Variants in MALRD1 observed in about 807,000 individuals in gnomAD.
MALRD1 encodes the protein MAM and LDL receptor class A domain containing 1, also known as MAM and LDL-receptor class A domain-containing protein 1.
MALRD1 carries 247 observed loss-of-function variants against 242.1 expected under a neutral mutation model. The observed-to-expected ratio is 1.02, with a 90% CI of 0.92 to 1.13. The LOEUF is 1.13. MALRD1 is among the 50% of genes most tolerant of loss of function. MALRD1 has a pLI of 0.00. For missense variants in MALRD1, 2,989 were observed against 2,533.1 expected (o/e 1.18, Z -3.86); for synonymous variants, 995 against 866.6 (o/e 1.15, Z -2.60).
At chr10:19,666,853 A>T (rs1217519409) in intron 36 of MALRD1, among the ~76,000 whole-genome samples, 1 of 152,228 alleles carries the variant, frequency 6.6e-6, no homozygotes, top group Non-Finnish European at 1.5e-5. Context: ...GAATGAACAA[A>T]AAAAGTTAAT....
chr10:19,345,788 C>G (rs1402254848), intron 24 of MALRD1, among the ~76,000 whole-genome samples: 1 of 151,186 alleles, frequency 6.6e-6, no homozygotes, highest in Admixed American at 6.6e-5. Context: ...CTTTCAACAG[C>G]TAAAAATGAT....
At chr10:19,068,810 G>C (rs887474427) in intron 2 of MALRD1, among the ~76,000 whole-genome samples, 1 of 152,068 alleles carries the variant, frequency 6.6e-6, no homozygotes, top group African/African-American at 2.4e-5. Flanking sequence ...TGATTTGCCA[G>C]TGCTCCAAAA....
intron 4 of MALRD1, among the ~76,000 whole-genome samples, chr10:19,098,624 A>G (rs1836131760): frequency 6.6e-6 from 1 of 152,154 alleles, no homozygotes; most frequent in Non-Finnish European, 1.5e-5. Context: ...TAATTAAGAA[A>G]ACTCTTACAT....
intron 32 of MALRD1, among the ~76,000 whole-genome samples, chr10:19,559,494 A>G (rs1835869260): frequency 6.6e-6 from 1 of 152,138 alleles, no homozygotes; most frequent in Admixed American, 6.5e-5. Context: ...TTTAATTGAA[A>G]TAGAATATTT....
intron 28 of MALRD1, among the ~76,000 whole-genome samples, chr10:19,420,801 C>G (rs557440579): frequency 3.3e-5 from 5 of 152,272 alleles, no homozygotes; most frequent in African/African-American, 9.6e-5. Context: ...ACAGGGGTAG[C>G]AACGTCATCA....
intron 28 of MALRD1, among the ~76,000 whole-genome samples, chr10:19,447,044 AC>A (rs1835026968): frequency 1.4e-4 from 2 of 14,620 alleles, no homozygotes; most frequent in African/African-American, 4.1e-4. Context: ...TGTTAGGAAC[AC>A]ACACACACAC....
intron 26 of MALRD1, among the ~76,000 whole-genome samples, chr10:19,381,889 G>C (rs1845853716): frequency 6.6e-6 from 1 of 151,734 alleles, no homozygotes; most frequent in Non-Finnish European, 1.5e-5. Context: ...AGAACAAAAA[G>C]CAACATGAGA....
At chr10:19,667,885 C>T (rs768833038) in intron 36 of MALRD1, among the ~76,000 whole-genome samples, 1 of 151,982 alleles carries the variant, frequency 6.6e-6, no homozygotes, top group Non-Finnish European at 1.5e-5. Context: ...TTTCATGGTT[C>T]TGGAGGCTGA....
At chr10:19,346,890 T>C (rs1051635979) in intron 24 of MALRD1, among the ~76,000 whole-genome samples, 5 of 152,140 alleles carry the variant, frequency 3.3e-5, no homozygotes, top group African/African-American at 9.7e-5. Context: ...CCTTACGTGA[T>C]CCACCTGCCT....
chr10:19,465,828 C>T (rs1440376485), intron 29 of MALRD1, among the ~76,000 whole-genome samples: 1 of 152,180 alleles, frequency 6.6e-6, no homozygotes, highest in Non-Finnish European at 1.5e-5. Flanking sequence ...CATGCTTGGC[C>T]TCTCCAGAGT....
chr10:19,113,605 T>C (rs1836760349), intron 5 of MALRD1, among the ~76,000 whole-genome samples: 2 of 151,786 alleles, frequency 1.3e-5, no homozygotes, highest in Non-Finnish European at 2.9e-5. Context: ...TTTTTCTTCC[T>C]TCTTCTCCCT....
intron 38 of MALRD1, among the ~76,000 whole-genome samples, chr10:19,726,584 T>C (rs1183129091): frequency 6.6e-6 from 1 of 152,184 alleles, no homozygotes; most frequent in African/African-American, 2.4e-5. Flanking sequence ...GTTCTATCAA[T>C]TCAACTCCTA....
intron 26 of MALRD1, among the ~76,000 whole-genome samples, chr10:19,384,611 A>G (rs1266087159): frequency 7.7e-6 from 1 of 129,886 alleles, no homozygotes. Context: ...TATAGTATAT[A>G]TAATATAATA....
In MALRD1 at chr10:19,498,602, G is replaced by A; in HGVS notation, c.5276G>A (p.Arg1759Lys). The change falls in exon 31 of 40, where the codon AGA becomes AAA. Residue 1759 changes from arginine (R) to lysine (K), a missense_variant. Physicochemically the swap from Arg to Lys is conservative, Grantham distance 26. Transcript: ENST00000454679. The stretch of plus-strand genomic sequence containing the variant: ...GACTTGGACTGGGCCATTGGCAGCA[G>A]AATTCCTGCCAAAGCATTAATTCCA... ...EDDLDWAIGS[R>K]IPAKALIPDS... The A allele has an allele frequency of 6.5e-7, 1 of 1,550,076 alleles. No individual in the cohort carries two copies. Among genetic ancestry groups the A allele is most frequent in the Non-Finnish European group, 8.7e-7 (1 of 1,146,798 alleles).
chr10:19,448,221 G>A (rs980553043), intron 28 of MALRD1, among the ~76,000 whole-genome samples: 1 of 151,696 alleles, frequency 6.6e-6, no homozygotes, highest in Admixed American at 6.6e-5. Context: ...TAAATTATGT[G>A]TAAATTACAC....
intron 2 of MALRD1, among the ~76,000 whole-genome samples, chr10:19,075,759 C>T (rs774395536): frequency 1.4e-4 from 21 of 152,020 alleles, no homozygotes; most frequent in Non-Finnish European, 2.9e-4. Flanking sequence ...TAAGCCACAC[C>T]GTGCTGGGAC....
intron 18 of MALRD1, among the ~76,000 whole-genome samples, chr10:19,224,135 C>G (rs1338265997): frequency 6.6e-6 from 1 of 152,148 alleles, no homozygotes; most frequent in East Asian, 1.9e-4. Context: ...CTGTCTTCCA[C>G]AATGGTTGAA....
At chr10:19,492,283 A>G (rs1238898956) in intron 30 of MALRD1, among the ~76,000 whole-genome samples, 2 of 152,114 alleles carry the variant, frequency 1.3e-5, no homozygotes, top group Non-Finnish European at 2.9e-5. Context: ...CATTTATCTT[A>G]TCTTTCCTAG....
chr10:19,493,533 G>A (rs1309679697), intron 30 of MALRD1, among the ~76,000 whole-genome samples: 2 of 151,860 alleles, frequency 1.3e-5, no homozygotes, highest in Admixed American at 6.6e-5. Flanking sequence ...TCACCGGCCA[G>A]GCGCAGTGGC....
Sources: gnomAD v4.1 joint callset for allele counts (sites outside exome capture counted in the v4.1 genomes callset) on GRCh38, gnomAD v4.1.1 for gene constraint, MANE v1.5 for transcripts, NCBI Gene and HGNC (gene_info 2026-07-23, HGNC 2026-07-21) for gene names.